SDK1: variants seen among roughly 807,000 people sequenced by gnomAD.
SDK1 encodes the protein protein sidekick-1.
SDK1 carries 157 observed loss-of-function variants against 245.5 expected under a neutral mutation model. The ratio of observed to expected loss-of-function variants is 0.64; its 90% CI spans 0.56 to 0.73. SDK1 has a LOEUF of 0.73. Ranked by LOEUF, SDK1 falls within the 30% of genes least tolerant of loss-of-function variation. The pLI is 0.00. For synonymous variants in SDK1, 1,647 were observed against 1,278.5 expected (o/e 1.29, Z -6.15); for missense variants, 3,583 against 3,002.3 (o/e 1.19, Z -4.52).
intron 1 of SDK1, among the ~76,000 whole-genome samples, chr7:3,460,744 T>G (rs1780808459): frequency 1.3e-5 from 2 of 152,180 alleles, no homozygotes; most frequent in African/African-American, 4.8e-5. Flanking sequence ...AAACTTATTT[T>G]GGGGCTAAAA....
intron 7 of SDK1, among the ~76,000 whole-genome samples, chr7:3,952,865 A>T (rs185359140): frequency 2.6e-5 from 4 of 152,088 alleles, no homozygotes; most frequent in African/African-American, 9.7e-5. Flanking sequence ...TACAAAACCT[A>T]TTATCAGTTT....
chr7:3,817,434 A>C (rs1192415100), intron 4 of SDK1, among the ~76,000 whole-genome samples: 1 of 152,192 alleles, frequency 6.6e-6, no homozygotes, highest in Non-Finnish European at 1.5e-5. Context: ...TTAAATAGTG[A>C]AACAGTTACT....
rs955337371 is a variant in SDK1, at chr7:4,245,766, G to A, written c.6342G>A (p.Val2114=). The A allele has an allele frequency of 2.5e-6, 4 of 1,613,862 alleles. No individual in the cohort carries two copies. The African/African-American group carries it at 5.3e-5, about 22-fold the overall frequency. ...KYNGAVLTES[V]SLKEKSADAS... is the part of the protein sequence containing the mutation. Reference sequence around the variant, plus strand: ...ACGGCGCCGTGCTGACCGAGAGCGTGAGCCTCAAGGAGAAGTCGGCAGATG... The same window carrying A: ...ACGGCGCCGTGCTGACCGAGAGCGTAAGCCTCAAGGAGAAGTCGGCAGATG... Residue 2114 remains valine, a synonymous_variant, in exon 44 of 45, where the codon GTG becomes GTA. Transcript: ENST00000404826.
intron 1 of SDK1, among the ~76,000 whole-genome samples, chr7:3,398,574 C>G (rs1374453799): frequency 6.6e-6 from 1 of 152,020 alleles, no homozygotes; most frequent in Non-Finnish European, 1.5e-5. Flanking sequence ...TTTCAAAATA[C>G]TTTTCCCCAG....
At chr7:3,612,591 T>C (rs1186131636) in intron 1 of SDK1, among the ~76,000 whole-genome samples, 1 of 152,188 alleles carries the variant, frequency 6.6e-6, no homozygotes, top group Non-Finnish European at 1.5e-5. Context: ...TGTTTCTCCC[T>C]GGAATTTGAA....
intron 35 of SDK1, among the ~76,000 whole-genome samples, chr7:4,193,198 A>T (rs1279717232): frequency 7.5e-6 from 1 of 133,204 alleles, no homozygotes; most frequent in Non-Finnish European, 1.5e-5. Context: ...ATATTAATAT[A>T]TTTATATATT....
At chr7:3,583,810 G>C (rs1179526699) in intron 1 of SDK1, among the ~76,000 whole-genome samples, 1 of 152,132 alleles carries the variant, frequency 6.6e-6, no homozygotes, top group Non-Finnish European at 1.5e-5. Flanking sequence ...TGCAACAGTA[G>C]AATTTATTTC....
intron 1 of SDK1, among the ~76,000 whole-genome samples, chr7:3,590,971 T>C (rs568042203): frequency 6.6e-6 from 1 of 152,156 alleles, no homozygotes; most frequent in Non-Finnish European, 1.5e-5. Context: ...TTTGCAGACA[T>C]GGAGTTTTGC....
At position 4,135,007 on chromosome 7, in the gene SDK1, C is replaced by T. The variant is rs186914814; in HGVS notation, c.4228+2584C>T. ...CTCACGCCGATGTCCTCTGTAGCCC[C>T]GGGTCCTCACTGCCCCGCTCCCTGC... On this transcript the variant is annotated intron_variant, in intron 28 of 44. Coordinates refer to ENST00000404826, the MANE Select transcript of SDK1 (RefSeq NM_152744.4). Among the ~76,000 whole-genome samples the T allele has an allele frequency of 3.9e-5, 6 of 152,298 alleles. No individual in the cohort carries two copies. In the East Asian group the frequency reaches 7.7e-4, roughly 20 times the overall value.
chr7:3,794,821 C>T (rs998973691), intron 4 of SDK1, among the ~76,000 whole-genome samples: 1 of 152,172 alleles, frequency 6.6e-6, no homozygotes, highest in Non-Finnish European at 1.5e-5. Context: ...CATCCTCTTT[C>T]CTCCATTTCA....
At chr7:4,027,065 T>C (rs910481305) in intron 17 of SDK1, among the ~76,000 whole-genome samples, 1 of 152,168 alleles carries the variant, frequency 6.6e-6, no homozygotes, top group Non-Finnish European at 1.5e-5. Context: ...TGAAGATTTG[T>C]GCTTCTTGCA....
chr7:4,212,880 CT>C (rs1784578786), intron 38 of SDK1, among the ~76,000 whole-genome samples: 1 of 152,300 alleles, frequency 6.6e-6, no homozygotes, highest in Non-Finnish European at 1.5e-5. Flanking sequence ...AAGTAAGTGA[CT>C]GGTTCTGCTC....
intron 1 of SDK1, among the ~76,000 whole-genome samples, chr7:3,492,595 G>A (rs897064704): frequency 6.6e-6 from 1 of 152,234 alleles, no homozygotes; most frequent in African/African-American, 2.4e-5. Flanking sequence ...GCAACAAGCA[G>A]TTCTTCAGTG....
intron 19 of SDK1, among the ~76,000 whole-genome samples, chr7:4,062,126 G>T (rs1398966849): frequency 6.6e-6 from 1 of 151,584 alleles, no homozygotes; most frequent in Non-Finnish European, 1.5e-5. Context: ...AAAACTTAAA[G>T]TATAATAATA....
At chr7:3,497,214 A>G (rs932512804) in intron 1 of SDK1, among the ~76,000 whole-genome samples, 8 of 152,172 alleles carry the variant, frequency 5.3e-5, no homozygotes, top group African/African-American at 7.2e-5. Flanking sequence ...AGCGAAGGCA[A>G]TGGTTACTCT....
chr7:4,208,798 C>G (rs1488376111), intron 37 of SDK1, among the ~76,000 whole-genome samples: 1 of 152,254 alleles, frequency 6.6e-6, no homozygotes. Flanking sequence ...CCCGAGGGCT[C>G]AGACAGGTGC....
chr7:4,051,736 G>C lies in SDK1; in HGVS notation c.2817G>C (p.Lys939Asn), dbSNP rs1416356860. ...GVHHGHITNLKKFTAYFTSVL... is the reference protein window; with the variant it reads ...GVHHGHITNLNKFTAYFTSVL... ...ACCATGGACACATAACGAACCTGAA[G>C]AAGTTTACCGCCTACTTCACTTCCG... The change falls in exon 19 of 45, where the codon AAG (lysine) becomes AAC (asparagine). Residue 939 changes from lysine to asparagine, a missense_variant. Coordinates refer to ENST00000404826, the MANE Select transcript of SDK1 (RefSeq NM_152744.4). 1 of 1,613,898 alleles carries C rather than the reference G, an allele frequency of 6.2e-7. No homozygotes were observed. The highest frequency in any genetic ancestry group is 1.3e-5 in the African/African-American group (1 of 74,888).
intron 1 of SDK1, among the ~76,000 whole-genome samples, chr7:3,533,476 G>A (rs919466485): frequency 6.6e-6 from 1 of 152,168 alleles, no homozygotes; most frequent in African/African-American, 2.4e-5. Context: ...CAGGCAGTAA[G>A]GGCTTATGTT....
chr7:3,776,992 C>G (rs1043051424), intron 4 of SDK1, among the ~76,000 whole-genome samples: 3 of 152,202 alleles, frequency 2.0e-5, no homozygotes, highest in African/African-American at 7.2e-5. Context: ...CACACACTTG[C>G]TCACGTTCAC....
Sources: allele counts gnomAD v4.1 joint callset (sites outside exome capture counted in the v4.1 genomes callset), GRCh38; gene constraint gnomAD v4.1.1; transcripts MANE v1.5; gene names NCBI Gene and HGNC (gene_info 2026-07-23, HGNC 2026-07-21).